GABRA2: variants seen among roughly 807,000 people sequenced by gnomAD.
GABRA2 encodes the protein gamma-aminobutyric acid type A receptor subunit alpha2, also known as gamma-aminobutyric acid receptor subunit alpha-2.
A neutral mutation model predicts 48.7 loss-of-function variants in GABRA2; 16 were observed. The observed-to-expected ratio is 0.33, with a 90% confidence interval of 0.22 to 0.50. GABRA2 has a LOEUF of 0.50. Ranked by LOEUF, GABRA2 falls within the 20% of genes least tolerant of loss-of-function variation. GABRA2 has a pLI of 0.98. For synonymous variants in GABRA2, 185 were observed against 184.5 expected (o/e 1.00, Z -0.02); for missense variants, 275 against 535.6 (o/e 0.51, Z 4.80).
At chr4:46,269,920 A>G (rs1718995281) in intron 8 of GABRA2, among the ~76,000 whole-genome samples, 1 of 151,944 alleles carries the variant, frequency 6.6e-6, no homozygotes, top group South Asian at 2.1e-4. Flanking sequence ...TAAAGCAGGG[A>G]TACTTGATGG....
intron 8 of GABRA2, among the ~76,000 whole-genome samples, chr4:46,293,453 G>A (rs904058050): frequency 2.6e-5 from 4 of 152,152 alleles, no homozygotes; most frequent in Admixed American, 1.3e-4. Flanking sequence ...CTGAGTTGAC[G>A]TTGATTCCAG....
intron 3 of GABRA2, among the ~76,000 whole-genome samples, chr4:46,337,037 T>C (rs1005348093): frequency 6.6e-6 from 1 of 152,076 alleles, no homozygotes; most frequent in African/African-American, 2.4e-5. Context: ...AGAACAAAAT[T>C]GATGTTCAAT....
chr4:46,298,526 T>C (rs1209697331), intron 8 of GABRA2, among the ~76,000 whole-genome samples: 1 of 151,982 alleles, frequency 6.6e-6, no homozygotes, highest in Non-Finnish European at 1.5e-5. Flanking sequence ...AGAGTTTAAT[T>C]TGGAGAGATT....
At chr4:46,333,945 A>G (rs1731782288) in intron 3 of GABRA2, among the ~76,000 whole-genome samples, 1 of 152,142 alleles carries the variant, frequency 6.6e-6, no homozygotes, top group Non-Finnish European at 1.5e-5. Flanking sequence ...TTTGTTTCTT[A>G]TTAAATGCAT....
At chr4:46,357,313 C>T (rs956319898) in intron 3 of GABRA2, among the ~76,000 whole-genome samples, 1 of 150,388 alleles carries the variant, frequency 6.6e-6, no homozygotes, top group African/African-American at 2.5e-5. Flanking sequence ...TTTTATTTGG[C>T]TTGGGGTTCA....
At chr4:46,299,388 T>G (rs904282088) in intron 8 of GABRA2, among the ~76,000 whole-genome samples, 1 of 151,770 alleles carries the variant, frequency 6.6e-6, no homozygotes, top group African/African-American at 2.4e-5. Context: ...AATTTTCCCA[T>G]CAAATGTGGT....
intron 2 of GABRA2, among the ~76,000 whole-genome samples, chr4:46,387,155 C>G (rs1717574465): frequency 6.6e-6 from 1 of 151,904 alleles, no homozygotes; most frequent in South Asian, 2.1e-4. Context: ...AAAAAAGAAT[C>G]ATTTATATAA....
chr4:46,328,921 C>A (rs1578068791), intron 4 of GABRA2, among the ~76,000 whole-genome samples: 1 of 152,142 alleles, frequency 6.6e-6, no homozygotes, highest in Non-Finnish European at 1.5e-5. Context: ...AGACCATATC[C>A]TTTCTCTCCA....
chr4:46,344,407 G>A (rs1010954227), intron 3 of GABRA2, among the ~76,000 whole-genome samples: 6 of 151,882 alleles, frequency 4.0e-5, no homozygotes, highest in African/African-American at 1.4e-4. Context: ...AGCCAGCTTG[G>A]TGTGAGAGAT....
intron 3 of GABRA2, among the ~76,000 whole-genome samples, chr4:46,355,780 T>C (rs1735859847): frequency 6.6e-6 from 1 of 152,174 alleles, no homozygotes; most frequent in Admixed American, 6.6e-5. Flanking sequence ...CTTTCATTTA[T>C]TTATAATTTT....
intron 3 of GABRA2, among the ~76,000 whole-genome samples, chr4:46,374,002 C>A (rs1337716482): frequency 6.6e-6 from 1 of 152,136 alleles, no homozygotes; most frequent in Non-Finnish European, 1.5e-5. Flanking sequence ...ATCTTCCTTG[C>A]AAACCTAAGT....
chr4:46,274,157 T>G (rs1720037776), intron 8 of GABRA2, among the ~76,000 whole-genome samples: 1 of 152,078 alleles, frequency 6.6e-6, no homozygotes, highest in Non-Finnish European at 1.5e-5. Context: ...GTGTAGCTCA[T>G]ATAACAACCA....
At chr4:46,275,181 T>C (rs1029284332) in intron 8 of GABRA2, among the ~76,000 whole-genome samples, 2 of 152,106 alleles carry the variant, frequency 1.3e-5, no homozygotes, top group African/African-American at 4.8e-5. Flanking sequence ...CCCATCATCT[T>C]AATGACCAAA....
At chr4:46,310,307 A>C (rs776494812) in intron 5 of GABRA2, 52 bp from the exon 6 acceptor site, 1 of 1,356,316 alleles carries the variant, frequency 7.4e-7, no homozygotes, top group Non-Finnish European at 1.1e-6. Flanking sequence ...AGTCAAGAAA[A>C]ATCACTCGTC....
chr4:46,287,986 A>C (rs1722882261), intron 8 of GABRA2, among the ~76,000 whole-genome samples: 1 of 152,140 alleles, frequency 6.6e-6, no homozygotes, highest in South Asian at 2.1e-4. Flanking sequence ...AGCAGTAGGC[A>C]AAGAGAGAGC....
chr4:46,302,965 T>G (rs2109622198), intron 8 of GABRA2, among the ~76,000 whole-genome samples: 1 of 152,298 alleles, frequency 6.6e-6, no homozygotes, highest in Non-Finnish European at 1.5e-5. Flanking sequence ...AGCCCCTATT[T>G]TACCTTGTGC....
At chr4:46,368,991 G>A (rs1481693663) in intron 3 of GABRA2, 1 of 700,778 alleles carries the variant, frequency 1.4e-6, no homozygotes, top group Non-Finnish European at 2.6e-6. Flanking sequence ...ACAGACTGGA[G>A]ATTCCACTCT....
intron 3 of GABRA2, among the ~76,000 whole-genome samples, chr4:46,385,620 G>A (rs1466545223): frequency 2.0e-5 from 3 of 151,946 alleles, no homozygotes; most frequent in Non-Finnish European, 4.4e-5. Context: ...TATCATCATA[G>A]AATGCTAAAA....
chr4:46,335,244 T>C (rs1157712352), intron 3 of GABRA2, among the ~76,000 whole-genome samples: 2 of 152,136 alleles, frequency 1.3e-5, no homozygotes, highest in African/African-American at 2.4e-5. Context: ...ATTCTAATCT[T>C]GTGACTCTGA....
Sources: allele counts gnomAD v4.1 joint callset (sites outside exome capture counted in the v4.1 genomes callset), GRCh38; gene constraint gnomAD v4.1.1; transcripts MANE v1.5; gene names NCBI Gene and HGNC (gene_info 2026-07-23, HGNC 2026-07-21).